The following CNTN4 variants were observed in gnomAD, a reference collection of about 807,000 sequenced individuals.
CNTN4 encodes contactin 4, also known as contactin-4.
A neutral mutation model predicts 122.5 loss-of-function variants in CNTN4; 77 were observed. The ratio of observed to expected loss-of-function variants is 0.63; its 90% CI spans 0.52 to 0.76. The LOEUF (loss-of-function observed/expected upper bound fraction) is 0.76. Among genes scored for constraint, CNTN4 ranks in the 30% least tolerant of loss-of-function variants. The pLI is 0.00. For synonymous variants in CNTN4, 512 were observed against 447.0 expected (o/e 1.15, Z -1.83); for missense variants, 1,256 against 1,259.1 (o/e 1.00, Z 0.04).
chr3:2,265,115 G>C (rs1462329520), intron 2 of CNTN4, among the ~76,000 whole-genome samples: 1 of 152,030 alleles, frequency 6.6e-6, no homozygotes, highest in Non-Finnish European at 1.5e-5. Flanking sequence ...TACCATGTTT[G>C]GTTTTCCATT....
At chr3:2,783,454 G>C (rs931809817) in intron 6 of CNTN4, among the ~76,000 whole-genome samples, 1 of 152,180 alleles carries the variant, frequency 6.6e-6, no homozygotes, top group African/African-American at 2.4e-5. Context: ...TTTATCTCCA[G>C]AGGCAGTTCA....
At chr3:2,494,986 A>G (rs2076416591) in intron 3 of CNTN4, among the ~76,000 whole-genome samples, 1 of 152,078 alleles carries the variant, frequency 6.6e-6, no homozygotes, top group Non-Finnish European at 1.5e-5. Flanking sequence ...TTGTATATAC[A>G]TTTTTTTTCC....
Position 2,841,385 on chromosome 3 carries a change from A to G in CNTN4, c.454+21804A>G, listed in dbSNP as rs1364479412. On this transcript the variant is annotated intron_variant, in intron 7 of 24. Coordinates refer to ENST00000418658, the MANE Select transcript of CNTN4 (RefSeq NM_175607.3). This position sits in a 1 kb window ranked among gnomAD's most constrained non-coding sequence, Gnocchi z 4.8. Reference sequence around the variant, plus strand: ...CATATATCTTTATTTTTCCAACTCTACCATCACAACTGAGAAAAGGTAATG... The same window carrying G: ...CATATATCTTTATTTTTCCAACTCTGCCATCACAACTGAGAAAAGGTAATG... Among the ~76,000 whole-genome samples, 1 of 152,192 alleles carries G rather than the reference A, an allele frequency of 6.6e-6. No individual in the cohort carries two copies. Among genetic ancestry groups the G allele is most frequent in the African/African-American group, 2.4e-5 (1 of 41,436 alleles).
chr3:2,358,397 T>A (rs77781278), intron 3 of CNTN4, among the ~76,000 whole-genome samples: 63 of 152,166 alleles, frequency 4.1e-4, no homozygotes, highest in Admixed American at 1.2e-3. Context: ...AATATTCTTT[T>A]CTTATTTCCT....
intron 2 of CNTN4, among the ~76,000 whole-genome samples, chr3:2,254,847 C>G (rs906252258): frequency 6.6e-6 from 1 of 152,134 alleles, no homozygotes; most frequent in African/African-American, 2.4e-5. Flanking sequence ...CCTTTTCACT[C>G]TGATGATAGT....
At chr3:2,397,151 C>A (rs1008095436) in intron 3 of CNTN4, among the ~76,000 whole-genome samples, 1 of 152,148 alleles carries the variant, frequency 6.6e-6, no homozygotes, top group Non-Finnish European at 1.5e-5. Context: ...ATCTCTGCTG[C>A]TGTTAGGGAG....
chr3:2,382,591 G>T (rs775110863), intron 3 of CNTN4, among the ~76,000 whole-genome samples: 23 of 152,106 alleles, frequency 1.5e-4, no homozygotes, highest in Non-Finnish European at 2.5e-4. Context: ...CTTTTATTCT[G>T]CTCATTTATG....
At chr3:2,111,239 A>G (rs1026757513) in intron 2 of CNTN4, among the ~76,000 whole-genome samples, 2 of 152,248 alleles carry the variant, frequency 1.3e-5, no homozygotes, top group Non-Finnish European at 2.9e-5. Flanking sequence ...GAGAATTCAT[A>G]GTTCTGTTAA....
chr3:2,364,295 CCT>C (rs1244624684), intron 3 of CNTN4, among the ~76,000 whole-genome samples: 1 of 152,066 alleles, frequency 6.6e-6, no homozygotes, highest in African/African-American at 2.4e-5. Flanking sequence ...TTATAAGGTG[CCT>C]AGCAGAGTAT....
At chr3:3,037,778 C>T (rs1699747346) in intron 18 of CNTN4, 1 of 256,630 alleles carries the variant, frequency 3.9e-6, no homozygotes, top group African/African-American at 2.2e-5. Flanking sequence ...GAAATGTTCA[C>T]TTAGATTATC....
chr3:2,579,816 G>A (rs547733175), intron 4 of CNTN4, among the ~76,000 whole-genome samples: 2 of 152,218 alleles, frequency 1.3e-5, no homozygotes, highest in South Asian at 2.1e-4. Context: ...TTAGTTTGAA[G>A]GTAAACATAG....
At chr3:2,716,713 C>G (rs2087518377) in intron 4 of CNTN4, among the ~76,000 whole-genome samples, 3 of 152,162 alleles carry the variant, frequency 2.0e-5, no homozygotes, top group Admixed American at 6.5e-5. Flanking sequence ...ACTATCACCA[C>G]TATCCACTTC....
Position 2,170,165 on chromosome 3 carries a change from CA to C in CNTN4, c.-145+69532del, listed in dbSNP as rs551479840. Among the ~76,000 whole-genome samples, 773 of 145,858 alleles carry C rather than the reference CA, an allele frequency of 5.3e-3. 2 individuals are homozygous for C. Among genetic ancestry groups the C allele is most frequent in the African/African-American group, 0.017 (659 of 37,856 alleles). On this transcript the variant is annotated intron_variant, in intron 2 of 24. Coordinates refer to ENST00000418658, the MANE Select transcript of CNTN4 (RefSeq NM_175607.3). ...TGAAACCCCGTCTCTACTAAAAATA[CA>C]AAAAATTAGCCGGGCGTGGTGGCGG...
chr3:2,289,922 C>T (rs951549639), intron 2 of CNTN4, among the ~76,000 whole-genome samples: 2 of 152,102 alleles, frequency 1.3e-5, no homozygotes, highest in African/African-American at 4.8e-5. Context: ...CATACTACCT[C>T]TCGGAAACTT....
chr3:2,745,789 T>C (rs948243688), intron 6 of CNTN4, 92 bp downstream of exon 6: 84 of 1,113,172 alleles, frequency 7.5e-5, no homozygotes, highest in Non-Finnish European at 1.1e-4. Flanking sequence ...TTTTAGAGAC[T>C]AGATTTTAAT....
intron 13 of CNTN4, among the ~76,000 whole-genome samples, chr3:2,933,988 G>C (rs958471748): frequency 1.3e-5 from 2 of 152,094 alleles, no homozygotes; most frequent in African/African-American, 2.4e-5. Context: ...AAAGAGGTGG[G>C]AGAACATCTA....
chr3:2,955,930 A>G (rs1436761059), intron 13 of CNTN4, among the ~76,000 whole-genome samples: 1 of 152,228 alleles, frequency 6.6e-6, no homozygotes, highest in African/African-American at 2.4e-5. Flanking sequence ...TGATTGAACA[A>G]TTCCACTTGT....
intron 2 of CNTN4, among the ~76,000 whole-genome samples, chr3:2,141,761 C>A (rs1328847595): frequency 6.6e-6 from 1 of 152,034 alleles, no homozygotes; most frequent in Non-Finnish European, 1.5e-5. Flanking sequence ...TTACTACAAG[C>A]AGAATTACCC....
intron 12 of CNTN4, among the ~76,000 whole-genome samples, chr3:2,918,564 A>G (rs941304244): frequency 1.3e-5 from 2 of 152,240 alleles, no homozygotes; most frequent in Non-Finnish European, 2.9e-5. Context: ...CCCAGCGTTC[A>G]GTGACTTCAT....
Sources: allele counts gnomAD v4.1 joint callset (sites outside exome capture counted in the v4.1 genomes callset), GRCh38; gene constraint gnomAD v4.1.1; non-coding constraint Gnocchi (gnomAD v3.1); transcripts MANE v1.5; gene names NCBI Gene and HGNC (gene_info 2026-07-23, HGNC 2026-07-21).